TLE1: variants seen among roughly 807,000 people sequenced by gnomAD.
The protein encoded by TLE1 is transducin-like enhancer protein 1.
A neutral mutation model predicts 89.8 loss-of-function variants in TLE1; 21 were observed. The ratio of observed to expected loss-of-function variants is 0.23; its 90% CI spans 0.17 to 0.34. TLE1 has a LOEUF of 0.34. Among genes scored for constraint, TLE1 ranks in the 10% least tolerant of loss-of-function variants. The probability of loss-of-function intolerance (pLI) is 1.00; values close to 1 mark genes in which losing one functional copy is unlikely to be tolerated. For synonymous variants in TLE1, 447 were observed against 407.6 expected (o/e 1.10, Z -1.16); for missense variants, 795 against 1,031.2 (o/e 0.77, Z 3.14).
intron 4 of TLE1, among the ~76,000 whole-genome samples, chr9:81,660,303 T>TA (rs1830603968): frequency 7.4e-6 from 1 of 135,048 alleles, no homozygotes; most frequent in Non-Finnish European, 1.6e-5. Flanking sequence ...TGCAACCAGA[T>TA]AAACCATTAC....
chr9:81,601,675 A>G (rs1830945249), intron 14 of TLE1, among the ~76,000 whole-genome samples: 1 of 152,210 alleles, frequency 6.6e-6, no homozygotes, highest in African/African-American at 2.4e-5. Flanking sequence ...CAGGGGAATA[A>G]ATGTCCTAAA....
intron 6 of TLE1, among the ~76,000 whole-genome samples, chr9:81,646,069 G>A (rs1158684000): frequency 1.3e-5 from 2 of 152,084 alleles, no homozygotes; most frequent in Non-Finnish European, 2.9e-5. Flanking sequence ...CACAGCACAC[G>A]TTTACCTATG....
intron 8 of TLE1, among the ~76,000 whole-genome samples, chr9:81,631,247 T>A (rs1411112450): frequency 2.0e-5 from 3 of 152,212 alleles, no homozygotes; most frequent in Non-Finnish European, 4.4e-5. Flanking sequence ...CCCACTCCAA[T>A]GAACCCATGA....
intron 6 of TLE1, among the ~76,000 whole-genome samples, chr9:81,639,629 C>A (rs1161206720): frequency 2.9e-5 from 4 of 140,282 alleles, no homozygotes; most frequent in Non-Finnish European, 4.5e-5. Flanking sequence ...GTCGCCCAGG[C>A]TGGAGTGCAG....
intron 4 of TLE1, among the ~76,000 whole-genome samples, chr9:81,657,299 T>A (rs748854544): frequency 5.9e-5 from 9 of 152,218 alleles, no homozygotes; most frequent in Non-Finnish European, 1.2e-4. Flanking sequence ...TTTAAGTCTT[T>A]ATGTGGTCAA....
At chr9:81,628,637 T>C in intron 8 of TLE1, among the ~76,000 whole-genome samples, 1 of 152,168 alleles carries the variant, frequency 6.6e-6, no homozygotes, top group African/African-American at 2.4e-5. Flanking sequence ...CCACTTTATA[T>C]AAAACAAGGT....
chr9:81,610,661 T>C (rs1563964426), intron 13 of TLE1, among the ~76,000 whole-genome samples: 1 of 152,158 alleles, frequency 6.6e-6, no homozygotes. Context: ...TTTTCTTTGT[T>C]AGGGGCCGTC....
rs541533160 is a variant in TLE1, at chr9:81,663,723, C to T, written c.235-9687G>A. 2.6e-5 allele frequency among the ~76,000 whole-genome samples: 4 copies of T among 151,272 alleles called. No individual in the cohort carries two copies. The East Asian group carries it at 7.9e-4, about 30-fold the overall frequency. On this transcript the variant is annotated intron_variant, in intron 4 of 19. Coordinates refer to ENST00000376499, the MANE Select transcript of TLE1 (RefSeq NM_005077.5). Reference sequence around the variant, plus strand: ...CTGCAAGCTCTGCCTCCCGGGTTCACGCCATTCTCACGCCTGCCTCAGCCT... The same window carrying T: ...CTGCAAGCTCTGCCTCCCGGGTTCATGCCATTCTCACGCCTGCCTCAGCCT...
intron 4 of TLE1, among the ~76,000 whole-genome samples, chr9:81,659,471 C>T (rs550269558): frequency 6.6e-6 from 1 of 152,252 alleles, no homozygotes; most frequent in South Asian, 2.1e-4. Context: ...AACAATAAAT[C>T]TGCATTCAAG....
At chr9:81,633,925 C>T (rs1357663936) in intron 7 of TLE1, 172 bp downstream of exon 7, 23 of 678,290 alleles carry the variant, frequency 3.4e-5, no homozygotes, top group Non-Finnish European at 5.3e-5. Flanking sequence ...CACAGCAAAC[C>T]CTGCAAACTT....
At chr9:81,599,927 A>G in intron 14 of TLE1, 1 of 516,690 alleles carries the variant, frequency 1.9e-6, no homozygotes. Context: ...GGCAAATACA[A>G]AACTTCTTAA....
chr9:81,610,693 A>G (rs547810454), intron 13 of TLE1, among the ~76,000 whole-genome samples: 1 of 152,104 alleles, frequency 6.6e-6, no homozygotes, highest in East Asian at 1.9e-4. Context: ...AGGATGCTGA[A>G]TATCATTCCT....
At chr9:81,625,676 T>C (rs1176176130) in intron 8 of TLE1, among the ~76,000 whole-genome samples, 1 of 151,762 alleles carries the variant, frequency 6.6e-6, no homozygotes, top group Non-Finnish European at 1.5e-5. Context: ...CAAAAGAAAA[T>C]GTTAAGATTG....
At chr9:81,666,552 G>A (rs1411099546) in intron 4 of TLE1, among the ~76,000 whole-genome samples, 4 of 151,978 alleles carry the variant, frequency 2.6e-5, no homozygotes, top group South Asian at 2.1e-4. Context: ...CGAGGCAGGC[G>A]GATTATGAGG....
In TLE1 at chr9:81,593,198, C is replaced by T. The variant is rs1290747018; in HGVS notation, c.1408G>A (p.Gly470Arg). 20 of 1,613,820 alleles carry T rather than the reference C, an allele frequency of 1.2e-5. No homozygotes were observed. Among genetic ancestry groups the T allele is most frequent in the Middle Eastern group, 1.6e-4 (1 of 6,084 alleles). The change falls in exon 15 of 20, where the codon GGA becomes AGA. Residue 470 changes from glycine (G) to arginine (R), a missense_variant. This residue lies in a region of TLE1 where 468 missense variants were observed against 509.1 expected (regional missense o/e 0.92). Transcript: ENST00000376499. ...ATCTGGCGAGCATGCCGGGGGATTC[C>T]GGGTCCGATGAGGGCGTCGGGGGGA... ...PFPPDALIGP[G>R]IPRHARQINT... is the part of the protein sequence containing the mutation.
chr9:81,584,091 A>G lies in TLE1; in HGVS notation c.*107T>C. 1.0e-6 allele frequency: 1 copy of G among 955,696 alleles called. No homozygotes were observed. Among genetic ancestry groups the G allele is most frequent in the Non-Finnish European group, 1.6e-6 (1 of 619,248 alleles). 59.2% of individuals were successfully genotyped at this position (955,696 alleles called of 1,614,324 possible). On this transcript the variant is annotated 3_prime_UTR_variant, in exon 20 of 20. Transcript: ENST00000376499. ...TAGTTTTCTGTCAAGGTTTGGAAAC[A>G]GGTGTTTGTAATTTTTTTTCTCTTT...
intron 6 of TLE1, among the ~76,000 whole-genome samples, chr9:81,651,539 C>A (rs1412952475): frequency 6.6e-6 from 1 of 152,078 alleles, no homozygotes; most frequent in African/African-American, 2.4e-5. Context: ...GGCAAGAGAG[C>A]GCTCTTTTCA....
chr9:81,613,259 G>A, intron 12 of TLE1, 118 bp downstream of exon 12: 1 of 1,374,476 alleles, frequency 7.3e-7, no homozygotes, highest in Non-Finnish European at 9.8e-7. Context: ...ATAGGAAGGA[G>A]GGTGGCCCTA....
intron 15 of TLE1, among the ~76,000 whole-genome samples, chr9:81,591,982 CCAGGG>C (rs755543044): frequency 3.9e-5 from 6 of 152,152 alleles, no homozygotes; most frequent in Non-Finnish European, 8.8e-5. Flanking sequence ...AGACACCACA[CCAGGG>C]CAGGGCAGGG....
Sources: gnomAD v4.1 joint callset for allele counts (sites outside exome capture counted in the v4.1 genomes callset) on GRCh38, gnomAD v4.1.1 for gene constraint, gnomAD v4.1.1 regional missense constraint, MANE v1.5 for transcripts, NCBI Gene and HGNC (gene_info 2026-07-23, HGNC 2026-07-21) for gene names.